LRP1B: variants seen among roughly 807,000 people sequenced by gnomAD.
LRP1B encodes the protein LDL receptor related protein 1B.
In LRP1B, 217 loss-of-function variants were observed where a neutral mutation model predicts 556.6. The observed-to-expected ratio is 0.39, with a 90% confidence interval of 0.35 to 0.44. LRP1B has a LOEUF of 0.44. LRP1B is among the 20% of genes least tolerant of loss of function. The pLI is 1.00. For missense variants in LRP1B, 5,053 were observed against 5,620.8 expected (o/e 0.90, Z 3.23); for synonymous variants, 2,047 against 1,865.8 (o/e 1.10, Z -2.50).
intron 2 of LRP1B, among the ~76,000 whole-genome samples, chr2:141,654,667 G>A (rs2105384782): frequency 6.6e-6 from 1 of 152,216 alleles, no homozygotes; most frequent in African/African-American, 2.4e-5. Flanking sequence ...ACAGGGCCAA[G>A]GAAGATGCTG....
chr2:141,897,895 T>C (rs7600184), intron 1 of LRP1B, among the ~76,000 whole-genome samples: 131,551 of 152,082 alleles, frequency 0.86, 57,059 homozygotes, highest in East Asian at 1. Context: ...CACACACACG[T>C]GCACACACTT....
intron 1 of LRP1B, among the ~76,000 whole-genome samples, chr2:141,953,794 T>C (rs973390706): frequency 4.3e-4 from 66 of 152,250 alleles, no homozygotes; most frequent in African/African-American, 1.5e-3. Context: ...CATTCATTCA[T>C]TCATGTATTC....
At chr2:141,444,676 T>G (rs927707138) in intron 3 of LRP1B, among the ~76,000 whole-genome samples, 2 of 152,220 alleles carry the variant, frequency 1.3e-5, no homozygotes, top group African/African-American at 4.8e-5. Context: ...CTGCATCTAT[T>G]GAGATAATCA....
chr2:141,680,344 G>A (rs1312724809), intron 2 of LRP1B, among the ~76,000 whole-genome samples: 1 of 152,078 alleles, frequency 6.6e-6, no homozygotes, highest in Non-Finnish European at 1.5e-5. Context: ...ACTAGAATAT[G>A]TCTGGATGAT....
At chr2:141,631,789 T>C (rs1328382564) in intron 2 of LRP1B, among the ~76,000 whole-genome samples, 1 of 152,188 alleles carries the variant, frequency 6.6e-6, no homozygotes, top group Non-Finnish European at 1.5e-5. Flanking sequence ...TGCTGCCTGA[T>C]TCATAGATCA....
chr2:141,991,950 C>T (rs1367968383), intron 1 of LRP1B, among the ~76,000 whole-genome samples: 1 of 152,044 alleles, frequency 6.6e-6, no homozygotes, highest in Non-Finnish European at 1.5e-5. Context: ...CCTGGTATTC[C>T]TGTGGGACTG....
chr2:141,727,785 T>C (rs1358041828), intron 2 of LRP1B, among the ~76,000 whole-genome samples: 1 of 152,074 alleles, frequency 6.6e-6, no homozygotes, highest in African/African-American at 2.4e-5. Context: ...TGTGTATATA[T>C]ATAAAATCTA....
chr2:141,329,657 A>G (rs934831548), intron 3 of LRP1B, among the ~76,000 whole-genome samples: 24 of 143,404 alleles, frequency 1.7e-4, no homozygotes, highest in Admixed American at 8.2e-4. Flanking sequence ...AAAAAAAAAA[A>G]AAAAAAAACT....
chr2:140,575,936 A>G (rs1681506524), intron 43 of LRP1B, among the ~76,000 whole-genome samples: 2 of 147,686 alleles, frequency 1.4e-5, no homozygotes, highest in East Asian at 2.1e-4. Context: ...AACAAAAAAC[A>G]AAAAACAAAA....
At chr2:141,256,024 T>C (rs1324636124) in intron 3 of LRP1B, among the ~76,000 whole-genome samples, 1 of 151,798 alleles carries the variant, frequency 6.6e-6, no homozygotes, top group South Asian at 2.1e-4. Context: ...AATTACAATA[T>C]GAGTGTGGAA....
intron 15 of LRP1B, among the ~76,000 whole-genome samples, chr2:141,004,999 T>C (rs189037943): frequency 6.6e-6 from 1 of 152,026 alleles, no homozygotes; most frequent in Admixed American, 6.6e-5. Context: ...TAGGCCTATG[T>C]TGTGCGTCAA....
chr2:141,461,203 C>G (rs1249250297), intron 3 of LRP1B, among the ~76,000 whole-genome samples: 1 of 152,072 alleles, frequency 6.6e-6, no homozygotes, highest in Non-Finnish European at 1.5e-5. Flanking sequence ...CAATGGTGAA[C>G]TAGGAAGAAA....
chr2:140,804,813 G>A (rs1350524107), intron 32 of LRP1B, among the ~76,000 whole-genome samples: 4 of 151,868 alleles, frequency 2.6e-5, no homozygotes, highest in African/African-American at 9.7e-5. Flanking sequence ...TCATTCTTGA[G>A]CAACTGAACA....
intron 2 of LRP1B, among the ~76,000 whole-genome samples, chr2:141,517,155 T>C (rs1226313641): frequency 1.3e-5 from 2 of 148,302 alleles, no homozygotes; most frequent in Non-Finnish European, 3.0e-5. Context: ...CATGAGTTAC[T>C]ATTTTCATTG....
At chr2:141,499,083 T>A (rs1353712756) in intron 2 of LRP1B, among the ~76,000 whole-genome samples, 1 of 152,096 alleles carries the variant, frequency 6.6e-6, no homozygotes, top group South Asian at 2.1e-4. Flanking sequence ...AGAAAGGCCT[T>A]CCCTTGTTAA....
intron 3 of LRP1B, among the ~76,000 whole-genome samples, chr2:141,286,236 C>CT (rs1685716699): frequency 2.0e-5 from 3 of 152,040 alleles, no homozygotes; most frequent in African/African-American, 2.4e-5. Context: ...TTTTAAAACT[C>CT]TTAATAGAGT....
chr2:140,903,008 T>G lies in LRP1B; in HGVS notation c.3678A>C (p.Gln1226His), dbSNP rs1192064256. 3.1e-6 allele frequency: 5 copies of G among 1,613,674 alleles called. No individual in the cohort carries two copies. The highest frequency in any genetic ancestry group is 4.2e-6 in the Non-Finnish European group (5 of 1,179,786). The change falls in exon 23 of 91, where the codon CAA becomes CAC. Residue 1226 changes from glutamine to histidine, a missense_variant. This residue lies in a region of LRP1B where 3,619 missense variants were observed against 3,931.9 expected (regional missense o/e 0.92). Transcript: ENST00000389484. ...CTGTGTGCTTGTGCTGCTCACATAC[T>G]TGGCTGCACTTTAGATGATTGCTAC... ...DYCSNHLKCS[Q>H]VCEQHKHTVK...
intron 3 of LRP1B, among the ~76,000 whole-genome samples, chr2:141,396,846 G>T (rs939949679): frequency 1.3e-5 from 2 of 151,980 alleles, no homozygotes; most frequent in African/African-American, 4.8e-5. Flanking sequence ...TGCGTGGCCG[G>T]GCACAACGGC....
At chr2:140,641,868 G>A (rs777804189) in intron 41 of LRP1B, among the ~76,000 whole-genome samples, 2 of 152,164 alleles carry the variant, frequency 1.3e-5, no homozygotes, top group Non-Finnish European at 2.9e-5. Flanking sequence ...ATTTCTAAAG[G>A]CCAAACCTAA....
Sources: allele counts gnomAD v4.1 joint callset (sites outside exome capture counted in the v4.1 genomes callset), GRCh38; gene constraint gnomAD v4.1.1; regional missense constraint gnomAD v4.1.1; transcripts MANE v1.5; gene names NCBI Gene and HGNC (gene_info 2026-07-23, HGNC 2026-07-21).